SCRG1: variants seen among roughly 807,000 people sequenced by gnomAD.
The protein encoded by SCRG1 is stimulator of chondrogenesis 1.
SCRG1 carries 3 observed loss-of-function variants against 7.7 expected under a neutral mutation model. The ratio of observed to expected loss-of-function variants is 0.39; its 90% CI spans 0.18 to 1.01. The LOEUF is 1.01. Among genes scored for constraint, SCRG1 ranks in the 50% least tolerant of loss-of-function variants. The pLI is 0.36. For missense variants in SCRG1, 110 were observed against 117.2 expected (o/e 0.94, Z 0.28); for synonymous variants, 46 against 41.2 (o/e 1.12, Z -0.44).
At chr4:173,410,167 A>G (rs1740008669), upstream of SCRG1, among the ~76,000 whole-genome samples, 1 of 152,220 alleles carries the variant, frequency 6.6e-6, no homozygotes, top group African/African-American at 2.4e-5. Context: ...GCTCAGTGAC[A>G]GGTTCAACAC....
intron 1 of SCRG1, among the ~76,000 whole-genome samples, chr4:173,394,169 T>A (rs1739529827): frequency 6.6e-6 from 1 of 152,156 alleles, no homozygotes. Flanking sequence ...TGTTTCTAGT[T>A]GTCTTGTAAT....
chr4:173,435,281 G>T, the SCRG1 span, among the ~76,000 whole-genome samples: 1 of 152,092 alleles, frequency 6.6e-6, no homozygotes, highest in Non-Finnish European at 1.5e-5. Flanking sequence ...TAGAAAAGAT[G>T]AAAGACAATG....
chr4:173,445,406 C>A, the SCRG1 span, among the ~76,000 whole-genome samples: 2 of 151,766 alleles, frequency 1.3e-5, no homozygotes, highest in East Asian at 4.0e-4. Flanking sequence ...AATGGTGAAA[C>A]CCCCGCCTCT....
At chr4:173,493,402 A>G in the SCRG1 span, among the ~76,000 whole-genome samples, 1 of 152,022 alleles carries the variant, frequency 6.6e-6, no homozygotes, top group African/African-American at 2.4e-5. Flanking sequence ...CTTGAACATT[A>G]GGGCATTGAG....
chr4:173,515,584 G>GTC, the SCRG1 span, among the ~76,000 whole-genome samples: 1 of 114,888 alleles, frequency 8.7e-6, no homozygotes, highest in Admixed American at 1.0e-4. The surrounding 1 kb of genome is among the most constrained non-coding windows in gnomAD (Gnocchi z 4.6). Flanking sequence ...GTGTGTGTGT[G>GTC]TCTGTGTGTG....
the SCRG1 span, among the ~76,000 whole-genome samples, chr4:173,483,591 TATATTGTGATATATAATATATATG>T: frequency 3.7e-5 from 3 of 81,910 alleles, 1 homozygote; most frequent in African/African-American, 1.5e-4. Flanking sequence ...TATGATATAT[TATATTGTGATATATAATATATATG>T]ATATATTATA....
At chr4:173,388,980 G>T (rs1415056306) in intron 2 of SCRG1, among the ~76,000 whole-genome samples, 1 of 151,982 alleles carries the variant, frequency 6.6e-6, no homozygotes, top group Non-Finnish European at 1.5e-5. Flanking sequence ...CCACACTGCT[G>T]TTCTCATCCC....
the SCRG1 span, among the ~76,000 whole-genome samples, chr4:173,437,495 T>C: frequency 6.6e-6 from 1 of 152,240 alleles, no homozygotes; most frequent in African/African-American, 2.4e-5. Context: ...AATTAATGTT[T>C]AGGTTTTAAG....
At chr4:173,493,272 G>A in the SCRG1 span, among the ~76,000 whole-genome samples, 1 of 152,110 alleles carries the variant, frequency 6.6e-6, no homozygotes, top group Non-Finnish European at 1.5e-5. Flanking sequence ...CTGGTTGTTT[G>A]AAGGTGTGTG....
chr4:173,416,393 A>G, the SCRG1 span, among the ~76,000 whole-genome samples: 1 of 152,208 alleles, frequency 6.6e-6, no homozygotes, highest in African/African-American at 2.4e-5. Context: ...TGGCTGCTAG[A>G]TATATCGTCC....
Position 173,390,013 on chromosome 4 carries a change from G to T in SCRG1, c.242+1160C>A, listed in dbSNP as rs147050004. On this transcript the variant is annotated intron_variant, in intron 2 of 2. Transcript: ENST00000296506. ...AAAATCAAGAACTAAAAATATTTAT[G>T]AATTTATCTACCATCATTTTATACC... 10 of 243,906 alleles carry T rather than the reference G, an allele frequency of 4.1e-5. No homozygotes were observed. The East Asian group carries it at 9.0e-4, about 22-fold the overall frequency. 15.1% of individuals were successfully genotyped at this position (243,906 alleles called of 1,614,324 possible). A position where few individuals can be genotyped will look rare whatever the true frequency, so the allele number is the denominator to read the frequency against.
the SCRG1 span, among the ~76,000 whole-genome samples, chr4:173,518,762 G>A: frequency 6.6e-6 from 1 of 152,146 alleles, no homozygotes; most frequent in Non-Finnish European, 1.5e-5. Context: ...TCGACCCTCC[G>A]CGGAGCAAAG....
chr4:173,460,793 G>C, the SCRG1 span, among the ~76,000 whole-genome samples: 1 of 152,154 alleles, frequency 6.6e-6, no homozygotes, highest in Admixed American at 6.5e-5. Context: ...CTTGATTCTT[G>C]GATGGCATTT....
the SCRG1 span, among the ~76,000 whole-genome samples, chr4:173,434,620 C>G: frequency 6.6e-6 from 1 of 152,150 alleles, no homozygotes; most frequent in Non-Finnish European, 1.5e-5. Flanking sequence ...TATCTGAGGT[C>G]AGGAGTTCGA....
chr4:173,397,540 T>C (rs1242880525), intron 1 of SCRG1, among the ~76,000 whole-genome samples: 1 of 152,216 alleles, frequency 6.6e-6, no homozygotes, highest in African/African-American at 2.4e-5. Context: ...TTGTAAGTTT[T>C]AATAGATCAT....
At chr4:173,463,360 GC>G in the SCRG1 span, among the ~76,000 whole-genome samples, 5 of 151,952 alleles carry the variant, frequency 3.3e-5, no homozygotes, top group Admixed American at 2.6e-4. Context: ...TGCAACCTCT[GC>G]CCCCCCGGGT....
the SCRG1 span, among the ~76,000 whole-genome samples, chr4:173,431,424 C>A: frequency 3.3e-5 from 5 of 152,160 alleles, no homozygotes; most frequent in African/African-American, 1.2e-4. Context: ...GCATGACAAA[C>A]CCAATGAATT....
chr4:173,485,070 T>TATATAATATATA, the SCRG1 span, among the ~76,000 whole-genome samples: 34 of 7,176 alleles, frequency 4.7e-3, 5 homozygotes, highest in African/African-American at 0.011. Context: ...TATTATATAT[T>TATATAATATATA]ATATATTATA....
At chr4:173,395,935 A>G (rs191680350) in intron 1 of SCRG1, among the ~76,000 whole-genome samples, 42 of 152,376 alleles carry the variant, frequency 2.8e-4, no homozygotes, top group Admixed American at 1.8e-3. Flanking sequence ...TGAGTATATT[A>G]AGAAGCCATT....
Sources: gnomAD v4.1 joint callset for allele counts (sites outside exome capture counted in the v4.1 genomes callset) on GRCh38, gnomAD v4.1.1 for gene constraint, Gnocchi (gnomAD v3.1) non-coding constraint, MANE v1.5 for transcripts, NCBI Gene and HGNC (gene_info 2026-07-23, HGNC 2026-07-21) for gene names.